MGAT5B: variants seen among roughly 807,000 people sequenced by gnomAD.
MGAT5B encodes alpha-1,6-mannosylglycoprotein 6-beta-N-acetylglucosaminyltransferase B.
MGAT5B carries 54 observed loss-of-function variants against 95.1 expected under a neutral mutation model. That is an observed-to-expected ratio of 0.57 (90% CI 0.46 to 0.71). MGAT5B has a LOEUF of 0.71. Ranked by LOEUF, MGAT5B falls within the 30% of genes least tolerant of loss-of-function variation. MGAT5B has a pLI of 0.00. For synonymous variants in MGAT5B, 464 were observed against 451.0 expected (o/e 1.03, Z -0.36); for missense variants, 935 against 1,088.6 (o/e 0.86, Z 1.99).
At position 76,868,936 on chromosome 17, in the gene MGAT5B, C is replaced by CGTG. The variant is rs926391725; in HGVS notation, c.-93_-92insTGG. The CGTG allele has an allele frequency of 2.0e-4, 258 of 1,286,114 alleles. No homozygotes were observed. The highest frequency in any genetic ancestry group is 2.6e-4 in the Non-Finnish European group (239 of 902,174). The allele number at this position is 1,286,114 out of a possible 1,614,324, so 79.7% of individuals were successfully genotyped here. A position where few individuals can be genotyped will look rare whatever the true frequency, so the allele number is the denominator to read the frequency against. The stretch of plus-strand genomic sequence containing the variant: ...GCTTCGCTCGGACGCGGCTTCGGCC[C>CGTG]GCAGAGGGTTCGTGGCCCGGACGCG... On this transcript the variant is annotated 5_prime_UTR_variant, in exon 1 of 18. Transcript: ENST00000569840. The surrounding 1 kb of genome is among the most constrained non-coding windows in gnomAD (Gnocchi z 6.3).
chr17:76,940,652 C>T lies in MGAT5B; in HGVS notation c.1732-80C>T. On this transcript the variant is annotated intron_variant, in intron 14 of 17. Transcript: ENST00000569840. This position sits in a 1 kb window ranked among gnomAD's most constrained non-coding sequence, Gnocchi z 4.3. Reference sequence around the variant, plus strand: ...AGATGTGGGGCAAAAGGAGATAGGACAAGTGTATGGGGTACCTTTCTTTGT... The same window carrying T: ...AGATGTGGGGCAAAAGGAGATAGGATAAGTGTATGGGGTACCTTTCTTTGT... 4 of 1,592,176 alleles carry T rather than the reference C, an allele frequency of 2.5e-6. No homozygotes were observed. Among genetic ancestry groups the T allele is most frequent in the Non-Finnish European group, 3.4e-6 (4 of 1,165,430 alleles).
At chr17:76,898,332 ATTT>A (rs1056312668) in intron 3 of MGAT5B, among the ~76,000 whole-genome samples, 1 of 65,066 alleles carries the variant, frequency 1.5e-5, no homozygotes, top group Non-Finnish European at 3.1e-5. Context: ...TAATCTTTTT[ATTT>A]TTTTTTTTTT....
At chr17:76,876,289 G>A (rs564164443) in intron 2 of MGAT5B, among the ~76,000 whole-genome samples, 1 of 152,198 alleles carries the variant, frequency 6.6e-6, no homozygotes, top group East Asian at 1.9e-4. Flanking sequence ...ACGGGGAGGT[G>A]CTTGGCAAAT....
chr17:76,927,173 G>A (rs1358646242), intron 10 of MGAT5B, among the ~76,000 whole-genome samples: 3 of 152,218 alleles, frequency 2.0e-5, no homozygotes, highest in African/African-American at 7.2e-5. Context: ...TTCTGGAAAT[G>A]CAGGATTGGG....
intron 3 of MGAT5B, among the ~76,000 whole-genome samples, chr17:76,897,021 C>T (rs760564425): frequency 2.6e-5 from 4 of 152,022 alleles, no homozygotes; most frequent in East Asian, 1.9e-4. Context: ...CGGGCGCAAA[C>T]GATCCTCCTG....
In MGAT5B at chr17:76,902,633, C is replaced by G. The variant is rs747716153; in HGVS notation, c.408C>G (p.Asp136Glu). ...TCTCCGACATCGCTGTGAAGGTGGA[C>G]CAGATCCTGCGCCACAGTCTGCTCC... The part of the protein sequence containing the change: ...QNVSDIAVKV[D>E]QILRHSLLLH... The change falls in exon 4 of 18, where the codon GAC becomes GAG. Residue 136 changes from aspartate (D) to glutamate (E), a missense_variant. Asp to Glu is a conservative substitution (Grantham distance 45). Coordinates refer to ENST00000569840, the MANE Select transcript of MGAT5B (RefSeq NM_001199172.2). 1.2e-6 allele frequency: 2 copies of G among 1,601,130 alleles called. No homozygotes were observed. The highest frequency in any genetic ancestry group is 8.5e-7 in the Non-Finnish European group (1 of 1,173,600).
rs905403136 is a variant in MGAT5B at position 76,949,345 on chromosome 17, T to G, written c.*507T>G. 2.6e-5 allele frequency: 4 copies of G among 156,036 alleles called. No individual in the cohort carries two copies. Among genetic ancestry groups the G allele is most frequent in the African/African-American group, 9.6e-5 (4 of 41,482 alleles). 9.7% of individuals were successfully genotyped at this position (156,036 alleles called of 1,614,324 possible). A position where few individuals can be genotyped will look rare whatever the true frequency, so the allele number is the denominator to read the frequency against. ...TGGTACCTGCTCCAGGCAGGGAAAC[T>G]GGGGGCTCGCCCTTCTCCTGTGAGG... is the stretch of plus-strand genomic sequence containing the variant. On this transcript the variant is annotated 3_prime_UTR_variant, in exon 18 of 18. Coordinates refer to ENST00000569840, the MANE Select transcript of MGAT5B (RefSeq NM_001199172.2).
chr17:76,890,248 G>A (rs931491080), intron 3 of MGAT5B, among the ~76,000 whole-genome samples: 1 of 152,194 alleles, frequency 6.6e-6, no homozygotes, highest in Non-Finnish European at 1.5e-5. Context: ...TTCGGGGTCG[G>A]GAGACTCACT....
At position 76,947,823 on chromosome 17, in the gene MGAT5B, C is replaced by T; in HGVS notation, c.1924-7C>T. Reference sequence around the variant, plus strand: ...TCCCCACCCTGACACTGCTCTCCTCCTTGCAGGACTTCTGCAGAGCTCCAG... The same window carrying T: ...TCCCCACCCTGACACTGCTCTCCTCTTTGCAGGACTTCTGCAGAGCTCCAG... On this transcript the variant is annotated splice_region_variant and splice_polypyrimidine_tract_variant and intron_variant, in intron 16 of 17. Transcript: ENST00000569840. 3 of 1,542,920 alleles carry T rather than the reference C, an allele frequency of 1.9e-6. No homozygotes were observed. Among genetic ancestry groups the T allele is most frequent in the Non-Finnish European group, 2.6e-6 (3 of 1,141,898 alleles).
chr17:76,903,828 G>A (rs944257833), intron 5 of MGAT5B, among the ~76,000 whole-genome samples: 1 of 152,216 alleles, frequency 6.6e-6, no homozygotes, highest in African/African-American at 2.4e-5. Flanking sequence ...CCCTTCCTTG[G>A]TGACCATCTG....
chr17:76,871,109 C>T (rs1966995319), intron 1 of MGAT5B, among the ~76,000 whole-genome samples: 1 of 152,288 alleles, frequency 6.6e-6, no homozygotes, highest in South Asian at 2.1e-4. Flanking sequence ...ACAACTCCTT[C>T]ACTCCCCTGG....
In MGAT5B at chr17:76,940,208, G is replaced by A. The variant is rs573235769; in HGVS notation, c.1585-194G>A. On this transcript the variant is annotated intron_variant, in intron 13 of 17. Transcript: ENST00000569840. This position sits in a 1 kb window ranked among gnomAD's most constrained non-coding sequence, Gnocchi z 4.3. The stretch of plus-strand genomic sequence containing the variant: ...GCCCAGAGAGGGGAAGTGCTTGCCC[G>A]TGGCACAAGATGTTCTGGGCTGGCT... Among the ~76,000 whole-genome samples the A allele has an allele frequency of 5.9e-5, 9 of 152,280 alleles. No individual in the cohort carries two copies. Among genetic ancestry groups the A allele is most frequent in the African/African-American group, 4.8e-5 (2 of 41,552 alleles).
At chr17:76,891,857 C>T (rs370363534) in intron 3 of MGAT5B, among the ~76,000 whole-genome samples, 14 of 152,048 alleles carry the variant, frequency 9.2e-5, no homozygotes, top group South Asian at 6.2e-4. Context: ...ACATGCAGCA[C>T]GGGGCCAGCC....
At position 76,940,657 on chromosome 17, in the gene MGAT5B, G is replaced by A; in HGVS notation, c.1732-75G>A. ...TGGGGCAAAAGGAGATAGGACAAGTGTATGGGGTACCTTTCTTTGTCCCTG... is the reference window on the plus strand; with the variant it reads ...TGGGGCAAAAGGAGATAGGACAAGTATATGGGGTACCTTTCTTTGTCCCTG... On this transcript the variant is annotated intron_variant, in intron 14 of 17. Transcript: ENST00000569840. This position sits in a 1 kb window ranked among gnomAD's most constrained non-coding sequence, Gnocchi z 4.3. 1.3e-5 allele frequency: 21 copies of A among 1,597,752 alleles called. No homozygotes were observed. The highest frequency in any genetic ancestry group is 1.7e-5 in the Non-Finnish European group (20 of 1,169,136).
chr17:76,875,375 TC>T (rs1967147768), intron 2 of MGAT5B, among the ~76,000 whole-genome samples: 1 of 152,114 alleles, frequency 6.6e-6, no homozygotes, highest in African/African-American at 2.4e-5. Context: ...AGGGGCTTTT[TC>T]CCTTTTGCTC....
At chr17:76,875,119 G>A (rs1211562480) in intron 2 of MGAT5B, among the ~76,000 whole-genome samples, 1 of 152,178 alleles carries the variant, frequency 6.6e-6, no homozygotes, top group Non-Finnish European at 1.5e-5. Flanking sequence ...GGATAGTCAC[G>A]ACTTGACTTC....
In MGAT5B at chr17:76,930,022, A is replaced by G. The variant is rs1191186206; in HGVS notation, c.1292-2623A>G. Among the ~76,000 whole-genome samples the G allele has an allele frequency of 6.6e-6, 1 of 152,132 alleles. No individual in the cohort carries two copies. The highest frequency in any genetic ancestry group is 1.5e-5 in the Non-Finnish European group (1 of 68,026). The stretch of plus-strand genomic sequence containing the variant: ...TGGAGAAGCCAGAGGGGAGGGGAAG[A>G]TGGTGCCGGACAGGTAAACAGGGTC... On this transcript the variant is annotated intron_variant, in intron 10 of 17. Transcript: ENST00000569840. The surrounding 1 kb of genome is among the most constrained non-coding windows in gnomAD (Gnocchi z 4.1).
chr17:76,932,697 G>A lies in MGAT5B; in HGVS notation c.1344G>A (p.Glu448=). 1 of 1,614,050 alleles carries A rather than the reference G, an allele frequency of 6.2e-7. No homozygotes were observed. Among genetic ancestry groups the A allele is most frequent in the Non-Finnish European group, 8.5e-7 (1 of 1,179,978 alleles). ...FMGFVSEELN[E]TEKRLIKGGK... ...GCTTCGTGTCCGAGGAGCTCAACGAGACGGAGAAGCGGCTCATCAAAGGCG... is the reference window on the plus strand; with the variant it reads ...GCTTCGTGTCCGAGGAGCTCAACGAAACGGAGAAGCGGCTCATCAAAGGCG... Residue 448 remains glutamate, a synonymous_variant, in exon 11 of 18, where the codon GAG becomes GAA. Coordinates refer to ENST00000569840, the MANE Select transcript of MGAT5B (RefSeq NM_001199172.2).
intron 17 of MGAT5B, 109 bp downstream of exon 17, chr17:76,948,195 G>T: frequency 6.9e-7 from 1 of 1,453,612 alleles, no homozygotes; most frequent in South Asian, 1.5e-5. Flanking sequence ...CAGTGTGGGG[G>T]GATGTAATGC....
Sources: gnomAD v4.1 joint callset for allele counts (sites outside exome capture counted in the v4.1 genomes callset) on GRCh38, gnomAD v4.1.1 for gene constraint, Gnocchi (gnomAD v3.1) non-coding constraint, MANE v1.5 for transcripts, NCBI Gene and HGNC (gene_info 2026-07-23, HGNC 2026-07-21) for gene names.